LYST: variants seen among roughly 807,000 people sequenced by gnomAD.
The protein encoded by LYST is lysosomal-trafficking regulator.
In LYST, 192 loss-of-function variants were observed where a neutral mutation model predicts 413.6. The observed-to-expected ratio is 0.46, with a 90% CI of 0.41 to 0.52. The LOEUF (loss-of-function observed/expected upper bound fraction) is 0.52. Ranked by LOEUF, LYST falls within the 20% of genes least tolerant of loss-of-function variation. The pLI is 0.00. For missense variants in LYST, 3,815 were observed against 4,499.9 expected, an observed-to-expected ratio of 0.85 and a Z score of 4.35; for synonymous variants, 1,525 against 1,567.3, an observed-to-expected ratio of 0.97 and a Z score of 0.64.
chr1:235,707,636 T>C (rs1262262146), intron 44 of LYST, among the ~76,000 whole-genome samples: 2 of 151,870 alleles, frequency 1.3e-5, no homozygotes, highest in African/African-American at 2.4e-5. Context: ...AATAAATAAA[T>C]AAATAAAAAG....
chr1:235,729,750 A>T, intron 36 of LYST, 93 bp from the exon 37 acceptor site: 2 of 879,844 alleles, frequency 2.3e-6, no homozygotes, highest in Non-Finnish European at 3.8e-6. Flanking sequence ...GATTTCTGCA[A>T]AGCAGACTAG....
chr1:235,866,688 TGCCCTCGC>T (rs147446128), intron 1 of LYST, among the ~76,000 whole-genome samples, 147 bp downstream of exon 1: 9,563 of 151,474 alleles, frequency 0.063, 1,001 homozygotes, highest in African/African-American at 0.22. Flanking sequence ...TCAGGCCGAG[TGCCCTCGC>T]GCCCTCGCGC....
At chr1:235,758,944 G>T in intron 23 of LYST, 28 bp downstream of exon 23, 17 of 1,609,966 alleles carry the variant, frequency 1.1e-5, no homozygotes, top group Non-Finnish European at 1.4e-5. Context: ...AATAAAGGTG[G>T]GAGGAGTGTA....
chr1:235,706,564 CT>C (rs1662005397), intron 44 of LYST, among the ~76,000 whole-genome samples: 1 of 152,100 alleles, frequency 6.6e-6, no homozygotes, highest in Non-Finnish European at 1.5e-5. Flanking sequence ...AATTTATATG[CT>C]TTTCTCTTGT....
rs144252883 is a variant in LYST at position 235,710,569 on chromosome 1, T to C, written c.9926-1261A>G. On this transcript the variant is annotated intron_variant, in intron 43 of 52. Coordinates refer to ENST00000389793, the MANE Select transcript of LYST (RefSeq NM_000081.4). ...AGGGGAACACTGATAGGAAATGATA[T>C]GATATACGCTGTAAAAAACTGTGTT... Among the ~76,000 whole-genome samples the C allele has an allele frequency of 6.5e-4, 99 of 152,302 alleles. 2 individuals carry two copies. In the Middle Eastern group the frequency reaches 0.01, roughly 16 times the overall value.
At chr1:235,865,316 C>A (rs1257473731) in intron 1 of LYST, among the ~76,000 whole-genome samples, 2 of 152,088 alleles carry the variant, frequency 1.3e-5, no homozygotes, top group Non-Finnish European at 2.9e-5. Context: ...CCCTGCCCTC[C>A]CTCTTCCCTG....
chr1:235,831,359 T>C (rs897114006), intron 2 of LYST, among the ~76,000 whole-genome samples: 7 of 152,226 alleles, frequency 4.6e-5, no homozygotes, highest in African/African-American at 1.7e-4. Flanking sequence ...GTGACTCGTA[T>C]AGTGTGGGTT....
chr1:235,760,182 A>G (rs1858640), intron 22 of LYST, among the ~76,000 whole-genome samples: 6,057 of 152,208 alleles, frequency 0.04, 414 homozygotes, highest in African/African-American at 0.14. Context: ...ATGATAGTGA[A>G]GTGGTCCAAG....
At chr1:235,867,163 G>T (rs1384078248), upstream of LYST, among the ~76,000 whole-genome samples, 1 of 152,230 alleles carries the variant, frequency 6.6e-6, no homozygotes, top group South Asian at 2.1e-4. Flanking sequence ...GCCGGGGCCC[G>T]GTCTGGGTTT....
At chr1:235,703,141 T>G (rs1661681816) in intron 44 of LYST, among the ~76,000 whole-genome samples, 164 bp from the exon 45 acceptor site, 2 of 152,232 alleles carry the variant, frequency 1.3e-5, no homozygotes, top group African/African-American at 2.4e-5. Flanking sequence ...ATCAGAAGTA[T>G]CAATGTTTCT....
intron 1 of LYST, among the ~76,000 whole-genome samples, chr1:235,853,259 CT>C (rs1482878753): frequency 6.6e-6 from 1 of 152,132 alleles, no homozygotes; most frequent in Non-Finnish European, 1.5e-5. Context: ...GAAGTAACAC[CT>C]TCAGCTCTAA....
Position 235,720,704 on chromosome 1 carries a change from A to G in LYST, c.9517T>C (p.Tyr3173His), listed in dbSNP as rs772543665. 15 of 1,613,716 alleles carry G rather than the reference A, an allele frequency of 9.3e-6. No homozygotes were observed. The highest frequency in any genetic ancestry group is 1.3e-5 in the Non-Finnish European group (15 of 1,179,610). The change falls in exon 40 of 53, where the codon TAC becomes CAC. Residue 3173 changes from tyrosine (Y) to histidine (H), a missense_variant. Around this residue, in one of 4 missense-constraint regions of LYST, gnomAD observed 866 missense variants for 1,156.0 expected, o/e 0.75. Transcript: ENST00000389793. ...YPVFPFILADYVSETLDLNDL... is the reference protein window; with the variant it reads ...YPVFPFILADHVSETLDLNDL... ...TTGAGGTCAAGTGTCTCACTAACGT[A>G]GTCAGCAAGTATAAATGGGAACACA...
intron 31 of LYST, chr1:235,738,516 C>T (rs1056393131): frequency 1.9e-4 from 312 of 1,611,916 alleles, no homozygotes; most frequent in Non-Finnish European, 2.4e-4. Context: ...ATTCCGTTAC[C>T]CAATGGGGGA....
intron 1 of LYST, among the ~76,000 whole-genome samples, chr1:235,879,406 G>A (rs776193694): frequency 1.3e-5 from 2 of 152,198 alleles, no homozygotes; most frequent in East Asian, 1.9e-4. Flanking sequence ...GGGAATGGTC[G>A]CCTGCTAACA....
chr1:235,853,532 T>C (rs1572460970), intron 1 of LYST, among the ~76,000 whole-genome samples: 1 of 152,174 alleles, frequency 6.6e-6, no homozygotes, highest in Non-Finnish European at 1.5e-5. Context: ...AGGCAGTAGT[T>C]CTGGGGGAAG....
chr1:235,805,620 AAC>A (rs1479627767), intron 6 of LYST, 121 bp downstream of exon 6: 12 of 333,130 alleles, frequency 3.6e-5, no homozygotes, highest in African/African-American at 1.1e-4. Context: ...TGTTATATAT[AAC>A]ACAATAATAT....
intron 45 of LYST, among the ~76,000 whole-genome samples, chr1:235,698,979 CATATAAAAGGAACTTCCTTTT>C (rs1459747128): frequency 6.6e-6 from 1 of 152,050 alleles, no homozygotes; most frequent in Non-Finnish European, 1.5e-5. Context: ...GCCAGGAATT[CATATAAAAGGAACTTCCTTTT>C]ATATGAGTTG....
At chr1:235,736,676 A>C (rs963045287) in intron 31 of LYST, 1 of 152,192 alleles carries the variant, frequency 6.6e-6, no homozygotes, top group African/African-American at 2.4e-5. Flanking sequence ...GGCATAAAGA[A>C]GATCACTCTG....
At chr1:235,773,186 G>A (rs1381553557) in intron 19 of LYST, among the ~76,000 whole-genome samples, 1 of 151,948 alleles carries the variant, frequency 6.6e-6, no homozygotes, top group East Asian at 1.9e-4. Context: ...AGGCATGGTG[G>A]CACACATCTG....
Sources: allele counts gnomAD v4.1 joint callset (sites outside exome capture counted in the v4.1 genomes callset), GRCh38; gene constraint gnomAD v4.1.1; regional missense constraint gnomAD v4.1.1; transcripts MANE v1.5; gene names NCBI Gene and HGNC (gene_info 2026-07-23, HGNC 2026-07-21).